SPMIP7: variants seen among roughly 807,000 people sequenced by gnomAD.
SPMIP7 encodes protein SPMIP7.
the SPMIP7 span, among the ~76,000 whole-genome samples, chr7:50,148,011 T>C: frequency 6.6e-5 from 10 of 152,214 alleles, no homozygotes; most frequent in Non-Finnish European, 1.0e-4. Flanking sequence ...GTATCTTTAA[T>C]AGCTTTGTTC....
the SPMIP7 span, chr7:50,159,152 G>C: frequency 6.4e-7 from 1 of 1,551,706 alleles, no homozygotes; most frequent in Non-Finnish European, 8.7e-7. Context: ...GAAGGACAAA[G>C]AAACCATAGA....
chr7:50,142,289 T>C, the SPMIP7 span, among the ~76,000 whole-genome samples: 30 of 152,318 alleles, frequency 2.0e-4, no homozygotes, highest in African/African-American at 7.2e-4. Context: ...TTCTAAAGAA[T>C]CAAAACATAT....
chr7:50,125,390 A>G, the SPMIP7 span, among the ~76,000 whole-genome samples: 1 of 146,880 alleles, frequency 6.8e-6, no homozygotes, highest in South Asian at 2.1e-4. Context: ...ATACACACAT[A>G]TATATATACA....
At chr7:50,108,862 G>A in the SPMIP7 span, among the ~76,000 whole-genome samples, 2 of 152,144 alleles carry the variant, frequency 1.3e-5, no homozygotes, top group Non-Finnish European at 2.9e-5. Flanking sequence ...TCAAAGTACA[G>A]GGGATTGGGT....
chr7:50,138,640 C>A, the SPMIP7 span, among the ~76,000 whole-genome samples: 5 of 152,116 alleles, frequency 3.3e-5, no homozygotes, highest in African/African-American at 7.2e-5. Flanking sequence ...TAGTCCACAG[C>A]AAAATTAATG....
At chr7:50,112,953 A>G in the SPMIP7 span, among the ~76,000 whole-genome samples, 1 of 133,972 alleles carries the variant, frequency 7.5e-6, no homozygotes, top group African/African-American at 2.7e-5. Flanking sequence ...ATCTATGTAA[A>G]CATAAAAGGA....
At chr7:50,121,035 T>A in the SPMIP7 span, among the ~76,000 whole-genome samples, 3 of 152,170 alleles carry the variant, frequency 2.0e-5, no homozygotes, top group South Asian at 4.1e-4. Context: ...CTGTGTTATA[T>A]CCCTTAAGAA....
chr7:50,095,938 A>T, the SPMIP7 span: 2 of 552,920 alleles, frequency 3.6e-6, no homozygotes, highest in Admixed American at 3.8e-5. Context: ...AGAAAAACAA[A>T]ATTATCTGCC....
At chr7:50,149,573 G>A in the SPMIP7 span, among the ~76,000 whole-genome samples, 1 of 152,168 alleles carries the variant, frequency 6.6e-6, no homozygotes, top group African/African-American at 2.4e-5. Context: ...GCAGTGGGCT[G>A]CCCCCACTCT....
At chr7:50,124,600 T>C in the SPMIP7 span, among the ~76,000 whole-genome samples, 4 of 152,240 alleles carry the variant, frequency 2.6e-5, no homozygotes, top group East Asian at 7.7e-4. Flanking sequence ...ATATCAAATA[T>C]TTTAAAATTA....
At chr7:50,132,165 A>G in the SPMIP7 span, among the ~76,000 whole-genome samples, 1 of 152,146 alleles carries the variant, frequency 6.6e-6, no homozygotes. Context: ...CAGCCATCTT[A>G]GAATCCAACT....
At chr7:50,124,834 C>T in the SPMIP7 span, among the ~76,000 whole-genome samples, 10 of 151,976 alleles carry the variant, frequency 6.6e-5, no homozygotes, top group Admixed American at 3.9e-4. Context: ...TGTGGTGGCT[C>T]ACGCCTGTAA....
chr7:50,104,925 C>G, the SPMIP7 span, among the ~76,000 whole-genome samples: 1 of 152,194 alleles, frequency 6.6e-6, no homozygotes, highest in African/African-American at 2.4e-5. Flanking sequence ...ATCACTGGAA[C>G]AACAATCCTC....
the SPMIP7 span, among the ~76,000 whole-genome samples, chr7:50,111,293 G>A: frequency 6.6e-6 from 1 of 152,008 alleles, no homozygotes; most frequent in African/African-American, 2.4e-5. Flanking sequence ...GGAGAAAATG[G>A]GTTCCTGCTT....
At chr7:50,104,438 T>C in the SPMIP7 span, 1 of 1,095,346 alleles carries the variant, frequency 9.1e-7, no homozygotes, top group South Asian at 1.9e-5. Flanking sequence ...GGTGGTGTTA[T>C]ATATAATTAG....
At chr7:50,140,909 C>T in the SPMIP7 span, among the ~76,000 whole-genome samples, 1 of 152,212 alleles carries the variant, frequency 6.6e-6, no homozygotes, top group African/African-American at 2.4e-5. Context: ...GGTTTCCATT[C>T]ACCAGGAGCC....
the SPMIP7 span, among the ~76,000 whole-genome samples, chr7:50,137,460 G>A: frequency 6.6e-6 from 1 of 151,988 alleles, no homozygotes; most frequent in Non-Finnish European, 1.5e-5. Flanking sequence ...TTTTATTACA[G>A]TTGGTACAGT....
At chr7:50,144,316 T>C in the SPMIP7 span, among the ~76,000 whole-genome samples, 1 of 152,210 alleles carries the variant, frequency 6.6e-6, no homozygotes, top group Admixed American at 6.5e-5. Flanking sequence ...TTTGATTTCT[T>C]TTTAGACTCT....
the SPMIP7 span, chr7:50,120,276 C>T: frequency 6.6e-6 from 1 of 152,184 alleles, no homozygotes; most frequent in African/African-American, 2.4e-5. Flanking sequence ...TGGATGCTCA[C>T]TCTTGTTGGT....
Sources: gnomAD v4.1 joint callset for allele counts (sites outside exome capture counted in the v4.1 genomes callset) on GRCh38, gnomAD v4.1.1 for gene constraint, MANE v1.5 for transcripts, NCBI Gene and HGNC (gene_info 2026-07-23, HGNC 2026-07-21) for gene names.